The following WDR44 variants were observed in gnomAD, a reference collection of about 807,000 sequenced individuals.
WDR44 encodes the protein WD repeat domain 44.
A neutral mutation model predicts 65.7 loss-of-function variants in WDR44; 9 were observed. The ratio of observed to expected loss-of-function variants is 0.14; its 90% confidence interval spans 0.08 to 0.24. The LOEUF is 0.24. Among genes scored for constraint, WDR44 ranks in the 10% least tolerant of loss-of-function variants. The pLI is 1.00. For missense variants in WDR44, 425 were observed against 670.9 expected, an observed-to-expected ratio of 0.63 and a Z score of 4.05; for synonymous variants, 220 against 235.2, an observed-to-expected ratio of 0.94 and a Z score of 0.59.
At chrX:118,398,257 T>A (rs1057107656) in intron 7 of WDR44, 130 bp from the exon 8 acceptor site, 15 of 427,401 alleles carry the variant, frequency 3.5e-5, no homozygotes, top group South Asian at 6.0e-5. Flanking sequence ...AAATAAATAA[T>A]TAAAATTATG....
intron 1 of WDR44, among the ~76,000 whole-genome samples, chrX:118,352,340 A>T (rs866651027): frequency 1.3e-3 from 26 of 19,820 alleles, no homozygotes; most frequent in African/African-American, 7.0e-3. Flanking sequence ...ATATATATAT[A>T]TATATATATA....
Position 118,409,640 on chromosome X carries a change from T to C in WDR44, c.1672+13T>C. On this transcript the variant is annotated intron_variant, in intron 11 of 19. Coordinates refer to ENST00000254029, the MANE Select transcript of WDR44 (RefSeq NM_019045.5). ...TACAATACTGAAGGTATTTTTCATC[T>C]ATTTAAAAATCTACAGAAACCTGAA... 1.7e-6 allele frequency: 2 copies of C among 1,166,170 alleles called. No individual in the cohort carries two copies. Among genetic ancestry groups the C allele is most frequent in the Non-Finnish European group, 2.3e-6 (2 of 875,312 alleles).
At chrX:118,395,994 C>G (rs189547747) in intron 6 of WDR44, among the ~76,000 whole-genome samples, 89 of 109,663 alleles carry the variant, frequency 8.1e-4, no homozygotes, top group Admixed American at 1.5e-3. Flanking sequence ...TGCACTCCAA[C>G]CTGGGCGACA....
chrX:118,393,400 C>T (rs2147703185), intron 4 of WDR44, 129 bp downstream of exon 4: 2 of 705,089 alleles, frequency 2.8e-6, no homozygotes, highest in East Asian at 6.7e-5. Flanking sequence ...GGCAACATGG[C>T]AAAACCCCAT....
chrX:118,430,664 A>G (rs2057202178), intron 12 of WDR44, among the ~76,000 whole-genome samples: 1 of 111,575 alleles, frequency 9.0e-6, no homozygotes, highest in African/African-American at 3.3e-5. Flanking sequence ...ACATGGTGAA[A>G]CCCTGTGTCT....
At chrX:118,433,627 T>C (rs1417691235) in intron 13 of WDR44, among the ~76,000 whole-genome samples, 2 of 111,427 alleles carry the variant, frequency 1.8e-5, no homozygotes, top group East Asian at 5.6e-4. Flanking sequence ...AAAAATACCT[T>C]CCTCATAGTG....
At chrX:118,362,465 T>C (rs2147668196) in intron 1 of WDR44, among the ~76,000 whole-genome samples, 1 of 112,035 alleles carries the variant, frequency 8.9e-6, no homozygotes, top group African/African-American at 3.2e-5. Context: ...AGTAGCCATC[T>C]TGGTTTTGTG....
At chrX:118,393,471 A>G (rs1056255694) in intron 4 of WDR44, among the ~76,000 whole-genome samples, 200 bp downstream of exon 4, 2 of 110,986 alleles carry the variant, frequency 1.8e-5, no homozygotes, top group East Asian at 5.6e-4. Context: ...ACGCGCCTGT[A>G]GTCCCAGCTA....
intron 15 of WDR44, 137 bp from the exon 16 acceptor site, chrX:118,442,107 T>C: frequency 2.1e-6 from 1 of 476,201 alleles, no homozygotes; most frequent in Non-Finnish European, 3.7e-6. Flanking sequence ...AGTGGTGCAA[T>C]TGTTGCTCAC....
chrX:118,444,975 T>A (rs1401765167), intron 19 of WDR44: 1 of 330,878 alleles, frequency 3.0e-6, no homozygotes, highest in South Asian at 2.6e-5. Context: ...AAGTTTTACC[T>A]GTTTTAAATT....
At chrX:118,408,227 G>T (rs1309088137) in intron 10 of WDR44, among the ~76,000 whole-genome samples, 1 of 110,401 alleles carries the variant, frequency 9.1e-6, no homozygotes, top group Non-Finnish European at 1.9e-5. Flanking sequence ...AATAAGATTT[G>T]GTCTTTCCAA....
intron 1 of WDR44, among the ~76,000 whole-genome samples, chrX:118,356,911 T>C (rs1214176153): frequency 9.6e-6 from 1 of 104,141 alleles, no homozygotes; most frequent in Non-Finnish European, 2.0e-5. Context: ...TGGCACAATC[T>C]CGGCTTACTG....
At chrX:118,410,826 G>T in intron 11 of WDR44, 69 bp from the exon 12 acceptor site, 1 of 846,290 alleles carries the variant, frequency 1.2e-6, no homozygotes, top group Non-Finnish European at 1.7e-6. Context: ...ATTACTTCTG[G>T]ATGTTATATT....
intron 12 of WDR44, among the ~76,000 whole-genome samples, chrX:118,429,291 T>G (rs967106219): frequency 1.8e-5 from 2 of 111,097 alleles, no homozygotes; most frequent in African/African-American, 3.3e-5. Flanking sequence ...AACCCTAATA[T>G]AAGGATAAGG....
chrX:118,353,980 A>G (rs1322412900), intron 1 of WDR44, among the ~76,000 whole-genome samples: 1 of 112,073 alleles, frequency 8.9e-6, no homozygotes, highest in Non-Finnish European at 1.9e-5. Flanking sequence ...TTGAATAAAC[A>G]GGAAGAGAAC....
chrX:118,426,323 G>T (rs1026091661), intron 12 of WDR44, among the ~76,000 whole-genome samples: 1 of 111,591 alleles, frequency 9.0e-6, no homozygotes, highest in Non-Finnish European at 1.9e-5. Flanking sequence ...GTTAAAGCAG[G>T]TGATGGATGC....
intron 12 of WDR44, among the ~76,000 whole-genome samples, chrX:118,414,796 C>T (rs749911864): frequency 1.8e-5 from 2 of 111,210 alleles, no homozygotes; most frequent in South Asian, 3.8e-4. Flanking sequence ...TTAGGGTTTC[C>T]GAGGTAAATG....
chrX:118,380,974 G>T (rs1602894434), intron 2 of WDR44, among the ~76,000 whole-genome samples: 1 of 111,843 alleles, frequency 8.9e-6, no homozygotes, highest in South Asian at 3.8e-4. Flanking sequence ...CATGGGATTT[G>T]CTAGAAGCAT....
chrX:118,384,152 A>G (rs1233023809), intron 2 of WDR44, among the ~76,000 whole-genome samples: 4 of 110,553 alleles, frequency 3.6e-5, no homozygotes, highest in East Asian at 2.8e-4. Context: ...CCAGGATCCA[A>G]TTAAAGCCTA....
Sources: allele counts gnomAD v4.1 joint callset (sites outside exome capture counted in the v4.1 genomes callset), GRCh38; gene constraint gnomAD v4.1.1; transcripts MANE v1.5; gene names NCBI Gene and HGNC (gene_info 2026-07-23, HGNC 2026-07-21).